MAGI1: variants seen among roughly 807,000 people sequenced by gnomAD.
MAGI1 encodes membrane-associated guanylate kinase, WW and PDZ domain-containing protein 1.
Under a neutral mutation model 139.9 loss-of-function variants are expected in MAGI1, and 58 were observed. That is an observed-to-expected ratio of 0.41 (90% CI 0.34 to 0.52). MAGI1 has a LOEUF of 0.52. Among genes scored for constraint, MAGI1 ranks in the 20% least tolerant of loss-of-function variants. MAGI1 has a pLI of 0.12. For synonymous variants in MAGI1, 812 were observed against 737.9 expected (o/e 1.10, Z -1.63); for missense variants, 1,874 against 1,901.6 (o/e 0.99, Z 0.27).
chr3:65,413,412 A>G (rs1017035159), intron 12 of MAGI1, among the ~76,000 whole-genome samples: 14 of 152,200 alleles, frequency 9.2e-5, no homozygotes, highest in African/African-American at 3.4e-4. Flanking sequence ...GCCGCACTGC[A>G]TTATTCAAAG....
chr3:65,429,345 T>C (rs1947309807), intron 12 of MAGI1, among the ~76,000 whole-genome samples, 175 bp downstream of exon 12: 2 of 152,148 alleles, frequency 1.3e-5, no homozygotes, highest in Admixed American at 6.5e-5. Flanking sequence ...ATGTCTGTCA[T>C]AATGTATAAA....
At chr3:65,665,754 C>T (rs963703130) in intron 1 of MAGI1, among the ~76,000 whole-genome samples, 1 of 152,058 alleles carries the variant, frequency 6.6e-6, no homozygotes, top group African/African-American at 2.4e-5. Flanking sequence ...TGGGCTTTCC[C>T]CTCAAAGTTC....
chr3:65,408,472 G>T (rs114848480), intron 12 of MAGI1, among the ~76,000 whole-genome samples: 296 of 152,260 alleles, frequency 1.9e-3, no homozygotes, highest in African/African-American at 6.4e-3. Context: ...AGTCAAAACA[G>T]TAAGAGATTA....
At chr3:65,840,624 T>C (rs960866027) in intron 1 of MAGI1, among the ~76,000 whole-genome samples, 2 of 152,216 alleles carry the variant, frequency 1.3e-5, no homozygotes, top group African/African-American at 4.8e-5. Flanking sequence ...CTTGGTCATG[T>C]TGTAGTAGAA....
chr3:65,980,959 G>C (rs931918843), intron 1 of MAGI1, among the ~76,000 whole-genome samples: 4 of 152,050 alleles, frequency 2.6e-5, no homozygotes, highest in African/African-American at 9.7e-5. Flanking sequence ...AGGAGTTCGA[G>C]ACCAGCCTGG....
chr3:65,435,988 C>A (rs1198502982), intron 10 of MAGI1, among the ~76,000 whole-genome samples: 3 of 152,170 alleles, frequency 2.0e-5, no homozygotes, highest in Admixed American at 6.5e-5. Context: ...TTACAAAAAA[C>A]CCCACAAAAC....
In MAGI1 at chr3:65,804,437, A is replaced by G. The variant is rs78273691; in HGVS notation, c.314-182349T>C. On this transcript the variant is annotated intron_variant, in intron 1 of 22. Coordinates refer to ENST00000402939, the MANE Select transcript of MAGI1 (RefSeq NM_001033057.2). Reference sequence around the variant, plus strand: ...ATAAATATTGATATGAATTGATATAAATTACATTGATATTTATATCAATAT... The same window carrying G: ...ATAAATATTGATATGAATTGATATAGATTACATTGATATTTATATCAATAT... Among the ~76,000 whole-genome samples, 10 of 151,856 alleles carry G rather than the reference A, an allele frequency of 6.6e-5. No homozygotes were observed. In the East Asian group the frequency reaches 1.7e-3, roughly 26 times the overall value.
At chr3:65,714,725 C>T (rs2031993513) in intron 1 of MAGI1, among the ~76,000 whole-genome samples, 1 of 152,068 alleles carries the variant, frequency 6.6e-6, no homozygotes, top group Non-Finnish European at 1.5e-5. Context: ...ATCAAGTCCT[C>T]AATCATTTCT....
At chr3:65,587,728 C>A (rs1265658590) in intron 2 of MAGI1, among the ~76,000 whole-genome samples, 3 of 152,022 alleles carry the variant, frequency 2.0e-5, no homozygotes, top group Non-Finnish European at 4.4e-5. Flanking sequence ...GCAATCCACC[C>A]GCCTTGGTCT....
chr3:65,893,215 G>A (rs1406632201), intron 1 of MAGI1, among the ~76,000 whole-genome samples: 1 of 151,634 alleles, frequency 6.6e-6, no homozygotes, highest in Admixed American at 6.6e-5. Context: ...TCCTCTAATT[G>A]GAGTCATTAG....
intron 2 of MAGI1, among the ~76,000 whole-genome samples, chr3:65,595,808 GGGGTGGGTA>G (rs3075762): frequency 0.67 from 90,529 of 134,900 alleles, 31,021 homozygotes; most frequent in East Asian, 0.91. Context: ...TTAACTCTCT[GGGGTGGGTA>G]GGGTGGGTAG....
At chr3:65,362,057 T>C (rs1476101776) in intron 21 of MAGI1, among the ~76,000 whole-genome samples, 1 of 152,222 alleles carries the variant, frequency 6.6e-6, no homozygotes, top group Non-Finnish European at 1.5e-5. Flanking sequence ...AGAGCTTATA[T>C]TCTAAAAAGA....
At chr3:65,453,107 C>A in intron 6 of MAGI1, 151 bp downstream of exon 6, 1 of 657,280 alleles carries the variant, frequency 1.5e-6, no homozygotes, top group Non-Finnish European at 2.7e-6. Context: ...TTTCTTCCTG[C>A]TTTTGTAAAC....
chr3:65,783,126 A>C (rs923398726), intron 1 of MAGI1, among the ~76,000 whole-genome samples: 1 of 152,048 alleles, frequency 6.6e-6, no homozygotes, highest in Non-Finnish European at 1.5e-5. Flanking sequence ...TACAAATCAC[A>C]TATCTAATAA....
chr3:65,365,537 G>C (rs1483851380), intron 18 of MAGI1, among the ~76,000 whole-genome samples: 1 of 152,134 alleles, frequency 6.6e-6, no homozygotes, highest in Non-Finnish European at 1.5e-5. Flanking sequence ...CTCATGAAAA[G>C]TCCTATAGTA....
chr3:65,416,961 T>A (rs1946263052), intron 12 of MAGI1, among the ~76,000 whole-genome samples: 1 of 152,142 alleles, frequency 6.6e-6, no homozygotes, highest in South Asian at 2.1e-4. Flanking sequence ...GGCAAATACT[T>A]CCCTCCAGAT....
At chr3:65,972,193 C>CA (rs2065044086) in intron 1 of MAGI1, among the ~76,000 whole-genome samples, 1 of 152,176 alleles carries the variant, frequency 6.6e-6, no homozygotes, top group Admixed American at 6.5e-5. Context: ...AAGAAGTCCA[C>CA]ACACACTAGC....
At chr3:66,010,077 CAAAAAA>C (rs60882502) in intron 1 of MAGI1, among the ~76,000 whole-genome samples, 14 of 69,780 alleles carry the variant, frequency 2.0e-4, no homozygotes, top group Middle Eastern at 0.013. Context: ...CTCTCTGTCT[CAAAAAA>C]AAAAAAAAAA....
intron 1 of MAGI1, among the ~76,000 whole-genome samples, chr3:65,679,701 C>T (rs537716419): frequency 6.6e-6 from 1 of 152,310 alleles, no homozygotes; most frequent in Non-Finnish European, 1.5e-5. Context: ...TGACTCAAGG[C>T]CCACGACTCT....
Sources: allele counts gnomAD v4.1 joint callset (sites outside exome capture counted in the v4.1 genomes callset), GRCh38; gene constraint gnomAD v4.1.1; transcripts MANE v1.5; gene names NCBI Gene and HGNC (gene_info 2026-07-23, HGNC 2026-07-21).